The following FAT3 variants were observed in gnomAD, a reference collection of about 807,000 sequenced individuals.
FAT3 encodes FAT atypical cadherin 3, also known as protocadherin Fat 3.
A neutral mutation model predicts 310.2 loss-of-function variants in FAT3; 95 were observed. That is an observed-to-expected ratio of 0.31 (90% CI 0.26 to 0.36). The LOEUF is 0.36. Among genes scored for constraint, FAT3 ranks in the 10% least tolerant of loss-of-function variants. The pLI, the probability that FAT3 is intolerant of heterozygous loss-of-function variation, is 1.00. For missense variants in FAT3, 5,408 were observed against 5,715.6 expected (o/e 0.95, Z 1.74); for synonymous variants, 2,314 against 2,192.9 (o/e 1.06, Z -1.54).
intron 2 of FAT3, chr11:92,366,678 T>C: frequency 1.9e-6 from 1 of 535,368 alleles, no homozygotes; most frequent in East Asian, 5.3e-5. Context: ...TTGACAATGG[T>C]TGGAAGGCTG....
At chr11:92,265,423 T>G (rs899366042) in intron 1 of FAT3, among the ~76,000 whole-genome samples, 5 of 151,988 alleles carry the variant, frequency 3.3e-5, no homozygotes, top group Non-Finnish European at 7.4e-5. Context: ...CGTCTTTTTC[T>G]GTCTTCACAG....
chr11:92,595,712 T>C (rs996800203), intron 3 of FAT3, among the ~76,000 whole-genome samples: 7 of 152,196 alleles, frequency 4.6e-5, no homozygotes, highest in African/African-American at 1.7e-4. Flanking sequence ...TTTTAAGTAT[T>C]CATTGGTAGT....
At chr11:92,810,597 G>C (rs1301689319) in intron 13 of FAT3, among the ~76,000 whole-genome samples, 7 of 152,060 alleles carry the variant, frequency 4.6e-5, no homozygotes, top group Non-Finnish European at 8.8e-5. Context: ...TTTTTAAACT[G>C]CCATTTTACA....
At chr11:92,318,631 A>C (rs1272613253) in intron 1 of FAT3, among the ~76,000 whole-genome samples, 3 of 152,228 alleles carry the variant, frequency 2.0e-5, no homozygotes, top group Non-Finnish European at 4.4e-5. Context: ...TGCTCAGAGA[A>C]CACAGGAATC....
intron 2 of FAT3, among the ~76,000 whole-genome samples, chr11:92,364,196 C>A (rs761348046): frequency 1.3e-5 from 2 of 152,120 alleles, no homozygotes; most frequent in African/African-American, 2.4e-5. Flanking sequence ...TGTATGCAAT[C>A]TTCCTTTTAT....
chr11:92,345,636 G>C lies in FAT3; in HGVS notation c.-17-6460G>C, dbSNP rs979839062. Among the ~76,000 whole-genome samples, 64 of 152,114 alleles carry C rather than the reference G, an allele frequency of 4.2e-4. 1 individual carries two copies. The highest frequency in any genetic ancestry group is 2.2e-3 in the Admixed American group (33 of 15,264). On this transcript the variant is annotated intron_variant, in intron 1 of 27. Transcript: ENST00000525166. ...AGAAGTGGTGCTCACATTTGAATGG[G>C]GAATCTCCAAAATAGCTTCATAGAA... is the stretch of plus-strand genomic sequence containing the variant.
At chr11:92,289,500 TACACAC>T (rs10562084) in intron 1 of FAT3, among the ~76,000 whole-genome samples, 2,566 of 144,308 alleles carry the variant, frequency 0.018, 94 homozygotes, top group African/African-American at 0.059. Flanking sequence ...CCATGATAGA[TACACAC>T]ACACACACAC....
At chr11:92,688,048 T>G (rs576880718) in intron 3 of FAT3, among the ~76,000 whole-genome samples, 6 of 151,908 alleles carry the variant, frequency 3.9e-5, no homozygotes, top group Admixed American at 3.3e-4. Flanking sequence ...AAAAAAAATT[T>G]TTTTAACTAG....
chr11:92,293,304 G>T (rs1946748423), intron 1 of FAT3, among the ~76,000 whole-genome samples: 1 of 151,140 alleles, frequency 6.6e-6, no homozygotes, highest in South Asian at 2.1e-4. Context: ...TGGGGGTAGG[G>T]GCTTTCACTT....
At chr11:92,871,501 C>A (rs561451937) in intron 22 of FAT3, among the ~76,000 whole-genome samples, 4 of 152,178 alleles carry the variant, frequency 2.6e-5, no homozygotes, top group African/African-American at 9.7e-5. Flanking sequence ...CCTGGGGAAA[C>A]TTTGACTCTT....
chr11:92,341,172 G>T (rs1000808617), intron 1 of FAT3, among the ~76,000 whole-genome samples: 2 of 152,154 alleles, frequency 1.3e-5, no homozygotes, highest in African/African-American at 2.4e-5. Context: ...TTTCTTTAAG[G>T]CGTGTCTACA....
intron 3 of FAT3, among the ~76,000 whole-genome samples, chr11:92,569,597 A>G (rs1352805407): frequency 1.3e-5 from 2 of 152,162 alleles, no homozygotes; most frequent in Non-Finnish European, 2.9e-5. Flanking sequence ...ACTGGTGGGA[A>G]ATTGAGCAGA....
intron 2 of FAT3, among the ~76,000 whole-genome samples, chr11:92,397,118 A>G (rs1327762344): frequency 6.6e-6 from 1 of 152,162 alleles, no homozygotes; most frequent in African/African-American, 2.4e-5. Context: ...GAATTTCATG[A>G]CACCTCACTT....
At chr11:92,499,636 A>C (rs187753318) in intron 2 of FAT3, among the ~76,000 whole-genome samples, 2 of 152,054 alleles carry the variant, frequency 1.3e-5, no homozygotes, top group East Asian at 3.9e-4. Context: ...CAGCATCCAC[A>C]TCTGAGCTTG....
intron 3 of FAT3, among the ~76,000 whole-genome samples, chr11:92,596,635 T>C (rs1939721352): frequency 6.6e-6 from 1 of 152,214 alleles, no homozygotes; most frequent in Admixed American, 6.5e-5. Context: ...GGCTCATTGT[T>C]ATCCAATTAT....
intron 3 of FAT3, among the ~76,000 whole-genome samples, chr11:92,571,441 G>A (rs891267110): frequency 2.0e-5 from 3 of 152,182 alleles, no homozygotes; most frequent in African/African-American, 7.2e-5. Context: ...CAGTCATCAG[G>A]ATCCTAACTG....
At chr11:92,601,520 A>G (rs921057729) in intron 3 of FAT3, among the ~76,000 whole-genome samples, 3 of 152,142 alleles carry the variant, frequency 2.0e-5, no homozygotes, top group Non-Finnish European at 4.4e-5. Flanking sequence ...ACTTCAACCC[A>G]GGAGATGGAG....
At chr11:92,379,949 T>G (rs1282787545) in intron 2 of FAT3, among the ~76,000 whole-genome samples, 3 of 152,022 alleles carry the variant, frequency 2.0e-5, no homozygotes, top group Non-Finnish European at 4.4e-5. Context: ...AAAATCAACC[T>G]AAAGGGACTG....
intron 2 of FAT3, among the ~76,000 whole-genome samples, chr11:92,471,415 C>T (rs1050005511): frequency 2.0e-5 from 3 of 152,044 alleles, no homozygotes; most frequent in South Asian, 2.1e-4. Flanking sequence ...AAGCATTTTA[C>T]GGAAGAGTAA....
Sources: gnomAD v4.1 joint callset for allele counts (sites outside exome capture counted in the v4.1 genomes callset) on GRCh38, gnomAD v4.1.1 for gene constraint, MANE v1.5 for transcripts, NCBI Gene and HGNC (gene_info 2026-07-23, HGNC 2026-07-21) for gene names.